EPB41L4A: variants seen among roughly 807,000 people sequenced by gnomAD.
EPB41L4A encodes the protein band 4.1-like protein 4A.
In EPB41L4A, 100 loss-of-function variants were observed where a neutral mutation model predicts 108.6. That is an observed-to-expected ratio of 0.92 (90% CI 0.78 to 1.09). The LOEUF (loss-of-function observed/expected upper bound fraction) is 1.09. EPB41L4A is among the 50% of genes least tolerant of loss of function. The pLI is 0.00. For synonymous variants in EPB41L4A, 319 were observed against 289.0 expected, an observed-to-expected ratio of 1.10 and a Z score of -1.05; for missense variants, 1,030 against 842.7, an observed-to-expected ratio of 1.22 and a Z score of -2.75.
intron 1 of EPB41L4A, among the ~76,000 whole-genome samples, chr5:112,321,686 C>CT (rs1282203690): frequency 2.0e-5 from 3 of 152,146 alleles, no homozygotes; most frequent in Non-Finnish European, 4.4e-5. Context: ...TGAGAGAATA[C>CT]TTTTTTCCCA....
upstream of EPB41L4A, chr5:112,419,811 G>T (rs114273567): frequency 1.1e-5 from 5 of 456,660 alleles, no homozygotes; most frequent in South Asian, 3.1e-5. Context: ...CCCGTCCGGG[G>T]ACTCCCGAGC....
At chr5:112,355,565 C>G (rs1246525645) in intron 1 of EPB41L4A, among the ~76,000 whole-genome samples, 1 of 152,134 alleles carries the variant, frequency 6.6e-6, no homozygotes. Flanking sequence ...TCTGGTTCCT[C>G]ATTAGAAGTG....
chr5:112,318,119 C>A (rs969223342), intron 1 of EPB41L4A, among the ~76,000 whole-genome samples: 2 of 152,156 alleles, frequency 1.3e-5, no homozygotes, highest in African/African-American at 4.8e-5. Flanking sequence ...GGTCACAGGG[C>A]TGGCTAACTA....
At chr5:112,182,440 T>A (rs1761205441) in intron 18 of EPB41L4A, among the ~76,000 whole-genome samples, 1 of 152,236 alleles carries the variant, frequency 6.6e-6, no homozygotes, top group Admixed American at 6.5e-5. Flanking sequence ...TCCATTTATT[T>A]ACTATTGCCT....
chr5:112,419,426 T>G (rs1762946949), upstream of EPB41L4A: 1 of 357,050 alleles, frequency 2.8e-6, no homozygotes, highest in African/African-American at 2.2e-5. Context: ...TGATGGGAAT[T>G]CGAGGCTCTC....
rs530527409 is a variant in EPB41L4A at position 112,277,057 on chromosome 5, C to A, written c.257-1653G>T. Among the ~76,000 whole-genome samples, 74 of 152,278 alleles carry A rather than the reference C, an allele frequency of 4.9e-4. 1 individual carries two copies. Among genetic ancestry groups the A allele is most frequent in the Admixed American group, 4.8e-3 (74 of 15,290 alleles). On this transcript the variant is annotated intron_variant, in intron 3 of 22. Coordinates refer to ENST00000261486, the MANE Select transcript of EPB41L4A (RefSeq NM_022140.5). ...CACCTCTATCCCTGAACATAGATGT[C>A]AGGGAGGCACAGACTATTAAATATT...
chr5:112,392,620 G>C (rs1342762026), intron 1 of EPB41L4A: 2 of 152,224 alleles, frequency 1.3e-5, no homozygotes, highest in Admixed American at 6.5e-5. Context: ...AAGAGACTTA[G>C]ACTCTCACAC....
At chr5:112,278,943 T>C (rs924595514) in intron 3 of EPB41L4A, among the ~76,000 whole-genome samples, 1 of 150,422 alleles carries the variant, frequency 6.6e-6, no homozygotes, top group East Asian at 2.0e-4. Flanking sequence ...TGGGCGCTTG[T>C]AATCCCAGCT....
Position 112,165,107 on chromosome 5 carries a change from C to T in EPB41L4A, c.1944G>A (p.Gly648=), listed in dbSNP as rs1187031568. 1 of 1,487,006 alleles carries T rather than the reference C, an allele frequency of 6.7e-7. No individual in the cohort carries two copies. Among genetic ancestry groups the T allele is most frequent in the South Asian group, 1.2e-5 (1 of 84,516 alleles). 92.1% of individuals were successfully genotyped at this position (1,487,006 alleles called of 1,614,324 possible). The part of the protein sequence containing the change: ...GDATVHQRRN[G]SKDSLMEEKP... ...TTTCTTCCATCAGGCTATCTTTAGACCCATTTCTTCTCTAAAATATATTTG... is the reference window on the plus strand; with the variant it reads ...TTTCTTCCATCAGGCTATCTTTAGATCCATTTCTTCTCTAAAATATATTTG... The change falls in exon 23 of 23, where the codon GGG becomes GGA. Residue 648 remains glycine (G), a synonymous_variant. Coordinates refer to ENST00000261486, the MANE Select transcript of EPB41L4A (RefSeq NM_022140.5).
chr5:112,418,873 C>T (rs1762884783), intron 1 of EPB41L4A, 68 bp downstream of exon 1: 1 of 1,315,840 alleles, frequency 7.6e-7, no homozygotes, highest in East Asian at 2.4e-5. Context: ...GGTGACAGCC[C>T]TCAAAGCGAT....
chr5:112,265,628 C>T (rs905890903), intron 5 of EPB41L4A, among the ~76,000 whole-genome samples: 2 of 152,236 alleles, frequency 1.3e-5, no homozygotes, highest in Non-Finnish European at 1.5e-5. Flanking sequence ...TATTTTTAGT[C>T]TGCAAGTGCC....
chr5:112,207,534 G>A (rs547181414), intron 13 of EPB41L4A, among the ~76,000 whole-genome samples: 2 of 152,224 alleles, frequency 1.3e-5, no homozygotes, highest in Non-Finnish European at 2.9e-5. Context: ...TCTGACAAAG[G>A]TCTAATATCC....
intron 1 of EPB41L4A, among the ~76,000 whole-genome samples, chr5:112,396,140 C>A (rs1205734632): frequency 3.3e-5 from 5 of 151,938 alleles, no homozygotes; most frequent in Non-Finnish European, 7.4e-5. Context: ...AGGAGAGATA[C>A]CTAATGTAAA....
chr5:112,354,262 T>C (rs1363720154), intron 1 of EPB41L4A, among the ~76,000 whole-genome samples: 1 of 152,226 alleles, frequency 6.6e-6, no homozygotes, highest in Non-Finnish European at 1.5e-5. Context: ...CTAAGGCTTA[T>C]GACAGCTACA....
chr5:112,206,125 C>G (rs762462444), intron 13 of EPB41L4A: 2 of 152,262 alleles, frequency 1.3e-5, no homozygotes, highest in Non-Finnish European at 2.9e-5. Flanking sequence ...TTAGAAACCC[C>G]TGGGGAGACA....
At chr5:112,400,327 A>T (rs557486640) in intron 1 of EPB41L4A, among the ~76,000 whole-genome samples, 1 of 142,834 alleles carries the variant, frequency 7.0e-6, no homozygotes, top group East Asian at 2.1e-4. Context: ...ACACGTGGGG[A>T]TTACAATTCG....
At chr5:112,360,475 A>G (rs796544260) in intron 1 of EPB41L4A, among the ~76,000 whole-genome samples, 4 of 151,172 alleles carry the variant, frequency 2.6e-5, no homozygotes, top group African/African-American at 9.7e-5. Flanking sequence ...GGGTTTCGCC[A>G]TGTTGGCCGG....
In EPB41L4A at chr5:112,147,036, A is replaced by T. The variant is rs77048893; in HGVS notation, n.995-1038T>A. Among the ~76,000 whole-genome samples the T allele has an allele frequency of 2.0e-5, 3 of 152,344 alleles. No homozygotes were observed. In the East Asian group the frequency reaches 5.8e-4, roughly 29 times the overall value. ...GACTATTCAGTTGTTCATTTATTCC[A>T]ATTAAAGTGTAATCCTGTAATGTGT... On this transcript the variant is annotated intron_variant and non_coding_transcript_variant, in intron 12 of 13. Transcript: ENST00000507810.
At chr5:112,337,068 A>G (rs1330488990) in intron 1 of EPB41L4A, among the ~76,000 whole-genome samples, 1 of 152,120 alleles carries the variant, frequency 6.6e-6, no homozygotes, top group Non-Finnish European at 1.5e-5. Flanking sequence ...ATTACCCCTC[A>G]GTGTTTACCT....
Sources: allele counts gnomAD v4.1 joint callset (sites outside exome capture counted in the v4.1 genomes callset), GRCh38; gene constraint gnomAD v4.1.1; transcripts MANE v1.5; gene names NCBI Gene and HGNC (gene_info 2026-07-23, HGNC 2026-07-21).